The following PCDHA5 variants were observed in gnomAD, a reference collection of about 807,000 sequenced individuals.
PCDHA5 encodes the protein protocadherin alpha-5.
In PCDHA5, 43 loss-of-function variants were observed where a neutral mutation model predicts 61.6. The observed-to-expected ratio is 0.70, with a 90% confidence interval of 0.55 to 0.90. The LOEUF is 0.90. Ranked by LOEUF, PCDHA5 falls within the 40% of genes least tolerant of loss-of-function variation. The pLI, the probability that PCDHA5 is intolerant of heterozygous loss-of-function variation, is 0.00. For synonymous variants in PCDHA5, 627 were observed against 543.9 expected (o/e 1.15, Z -2.13); for missense variants, 1,298 against 1,222.7 (o/e 1.06, Z -0.92).
intron 1 of PCDHA5, chr5:140,927,853 G>A: frequency 6.2e-7 from 1 of 1,614,214 alleles, no homozygotes. Flanking sequence ...CTTTGGTTTA[G>A]CTAGCACCGC....
intron 1 of PCDHA5, among the ~76,000 whole-genome samples, chr5:140,902,351 A>C (rs1554190404): frequency 1.3e-5 from 2 of 151,346 alleles, no homozygotes; most frequent in African/African-American, 4.9e-5. Context: ...GAAGCCCTTT[A>C]TTTCTTTCTC....
chr5:140,987,789 G>T (rs1356794638), intron 3 of PCDHA5, among the ~76,000 whole-genome samples: 2 of 152,136 alleles, frequency 1.3e-5, no homozygotes, highest in African/African-American at 4.8e-5. Context: ...CTATAGAGAA[G>T]ATTTTTTTAA....
intron 3 of PCDHA5, among the ~76,000 whole-genome samples, chr5:140,993,994 A>T (rs1393081374): frequency 6.6e-6 from 1 of 152,234 alleles, no homozygotes; most frequent in African/African-American, 2.4e-5. Context: ...CACTTAGGTC[A>T]GGCCAGGCTC....
At chr5:140,978,485 A>G (rs992352505) in intron 1 of PCDHA5, among the ~76,000 whole-genome samples, 2 of 152,264 alleles carry the variant, frequency 1.3e-5, no homozygotes, top group Admixed American at 1.3e-4. Flanking sequence ...CAGTCTGCAA[A>G]GCCAGCAGCA....
At chr5:140,871,010 TGG>T in intron 1 of PCDHA5, 1 of 1,613,348 alleles carries the variant, frequency 6.2e-7, no homozygotes, top group South Asian at 1.1e-5. Context: ...ACGCGTGCCC[TGG>T]ACGAGGCAGA....
At chr5:140,858,274 G>C (rs376781836) in intron 1 of PCDHA5, 1 of 1,597,298 alleles carries the variant, frequency 6.3e-7, no homozygotes, top group African/African-American at 1.3e-5. Flanking sequence ...GCTCTAGCGC[G>C]GTGGGGAGCT....
intron 1 of PCDHA5, chr5:140,870,486 G>C (rs1318169830): frequency 5.0e-6 from 8 of 1,614,136 alleles, no homozygotes; most frequent in South Asian, 1.1e-5. Context: ...AGTACACCGT[G>C]TTCGTGAAGG....
chr5:140,863,256 C>T (rs761621534), intron 1 of PCDHA5: 6 of 1,442,182 alleles, frequency 4.2e-6, no homozygotes, highest in Non-Finnish European at 4.7e-6. Flanking sequence ...GCGTCGAGGT[C>T]CGGGAGGCAG....
chr5:141,004,871 C>T (rs2098186149), intron 3 of PCDHA5, among the ~76,000 whole-genome samples: 2 of 152,126 alleles, frequency 1.3e-5, no homozygotes, highest in South Asian at 4.1e-4. Context: ...TGTTTCTCAT[C>T]CCTAAAGTGC....
At chr5:140,947,171 A>G (rs2094098405) in intron 1 of PCDHA5, among the ~76,000 whole-genome samples, 2 of 151,546 alleles carry the variant, frequency 1.3e-5, no homozygotes, top group Non-Finnish European at 3.0e-5. Context: ...AAAATGTGGT[A>G]TATATTCATG....
intron 1 of PCDHA5, among the ~76,000 whole-genome samples, chr5:140,897,060 A>G (rs2153455161): frequency 6.6e-6 from 1 of 152,068 alleles, no homozygotes; most frequent in East Asian, 1.9e-4. Flanking sequence ...GTCAAATACT[A>G]TGTCTTATTC....
intron 1 of PCDHA5, chr5:140,863,783 G>A: frequency 4.4e-6 from 1 of 226,522 alleles, no homozygotes; most frequent in South Asian, 6.5e-5. Flanking sequence ...CGGATCACTC[G>A]AGGCCAGGAG....
chr5:140,845,660 T>C (rs1779973975), intron 1 of PCDHA5, among the ~76,000 whole-genome samples: 1 of 149,710 alleles, frequency 6.7e-6, no homozygotes, highest in African/African-American at 2.4e-5. Context: ...AATTTTTGTA[T>C]GTGTAGCCAT....
Position 140,824,024 on chromosome 5 carries a change from C to G in PCDHA5, c.2249C>G (p.Ser750Trp). Reference sequence around the variant, plus strand: ...AGCGCGGTGGGGAGCTGGTCGTACTCGCAGCAGAGGAGACAGAGGGTGTGC... The same window carrying G: ...AGCGCGGTGGGGAGCTGGTCGTACTGGCAGCAGAGGAGACAGAGGGTGTGC... ...CSSAVGSWSY[S>W]QQRRQRVCSG... The change falls in exon 1 of 4, where the codon TCG becomes TGG. Residue 750 changes from serine to tryptophan, a missense_variant. By Grantham distance (177) the Ser-to-Trp change is radical. Transcript: ENST00000529859. 3.1e-6 allele frequency: 5 copies of G among 1,614,122 alleles called. No homozygotes were observed. The highest frequency in any genetic ancestry group is 4.2e-6 in the Non-Finnish European group (5 of 1,179,994).
intron 1 of PCDHA5, among the ~76,000 whole-genome samples, chr5:140,931,177 A>G (rs1288307941): frequency 1.3e-5 from 2 of 152,200 alleles, no homozygotes; most frequent in African/African-American, 4.8e-5. Context: ...ATTTTAGGGA[A>G]GGAAATTGGT....
intron 1 of PCDHA5, chr5:140,836,765 A>G (rs200916074): frequency 3.4e-5 from 53 of 1,563,040 alleles, no homozygotes; most frequent in Middle Eastern, 1.7e-4. Context: ...CTTGTTTCCA[A>G]CAATTTTAAA....
chr5:140,839,524 G>A (rs1776264287), intron 1 of PCDHA5, among the ~76,000 whole-genome samples: 1 of 151,794 alleles, frequency 6.6e-6, no homozygotes, highest in Non-Finnish European at 1.5e-5. Context: ...CAAGTTGCTG[G>A]GACTATAGGC....
rs934481202 is a variant in PCDHA5, at chr5:140,902,279, C to A, written c.2353-76670C>A. On this transcript the variant is annotated intron_variant, in intron 1 of 3. Coordinates refer to ENST00000529859, the MANE Select transcript of PCDHA5 (RefSeq NM_018908.3). ...TCTCGAACTCCTGGGCTCAAGCAATCCTCCTGCCTCAGCCTCCCAAAGTGC... is the reference window on the plus strand; with the variant it reads ...TCTCGAACTCCTGGGCTCAAGCAATACTCCTGCCTCAGCCTCCCAAAGTGC... Among the ~76,000 whole-genome samples the A allele has an allele frequency of 2.7e-5, 4 of 148,452 alleles. No individual in the cohort carries two copies. The Admixed American group carries it at 2.7e-4, about 10-fold the overall frequency.
chr5:140,860,895 G>A (rs185431284), intron 1 of PCDHA5: 2,100 of 152,348 alleles, frequency 0.014, 26 homozygotes, highest in Non-Finnish European at 0.02. Flanking sequence ...CCGCCAACAC[G>A]CCAGGCTAAT....
Sources: gnomAD v4.1 joint callset for allele counts (sites outside exome capture counted in the v4.1 genomes callset) on GRCh38, gnomAD v4.1.1 for gene constraint, MANE v1.5 for transcripts, NCBI Gene and HGNC (gene_info 2026-07-23, HGNC 2026-07-21) for gene names.